TFEC: variants seen among roughly 807,000 people sequenced by gnomAD.
The protein encoded by TFEC is transcription factor EC, also known as class E basic helix-loop-helix protein 34.
A neutral mutation model predicts 41.6 loss-of-function variants in TFEC; 31 were observed. The observed-to-expected ratio is 0.74, with a 90% CI of 0.56 to 1.01. The LOEUF (loss-of-function observed/expected upper bound fraction) is 1.01. Among genes scored for constraint, TFEC ranks in the 50% least tolerant of loss-of-function variants. TFEC has a pLI of 0.00. For missense variants in TFEC, 402 were observed against 404.1 expected, an observed-to-expected ratio of 0.99 and a Z score of 0.04; for synonymous variants, 143 against 140.6, an observed-to-expected ratio of 1.02 and a Z score of -0.12.
chr7:116,146,622 C>A lies in TFEC; in HGVS notation c.-69+13168G>T, dbSNP rs1344753767. Among the ~76,000 whole-genome samples the A allele has an allele frequency of 2.0e-5, 3 of 152,226 alleles. No individual in the cohort carries two copies. In the South Asian group the frequency reaches 6.2e-4, roughly 32 times the overall value. ...GTTTCCTGACAAAAGGAACCCAAACCTTCTATAGACAAACTCATTTTAATA... is the reference window on the plus strand; with the variant it reads ...GTTTCCTGACAAAAGGAACCCAAACATTCTATAGACAAACTCATTTTAATA... On this transcript the variant is annotated intron_variant, in intron 1 of 8. Coordinates refer to the TFEC transcript ENST00000484212.
intron 3 of TFEC, among the ~76,000 whole-genome samples, chr7:115,966,300 G>T (rs991450456): frequency 6.6e-6 from 1 of 151,572 alleles, no homozygotes. Context: ...AAACCCTAGC[G>T]GCAGGGAGGG....
chr7:115,952,936 A>G (rs540296657), intron 5 of TFEC, among the ~76,000 whole-genome samples: 5 of 152,172 alleles, frequency 3.3e-5, no homozygotes, highest in Admixed American at 3.3e-4. Flanking sequence ...TTATCGGCAC[A>G]AGCAATTTCC....
intron 3 of TFEC, among the ~76,000 whole-genome samples, chr7:116,089,002 T>C (rs988554857): frequency 6.6e-6 from 1 of 152,090 alleles, no homozygotes; most frequent in Admixed American, 6.6e-5. Flanking sequence ...CTCCCTCCTA[T>C]TATTAATCTC....
intron 1 of TFEC, among the ~76,000 whole-genome samples, chr7:116,114,562 T>G (rs1797931682): frequency 6.6e-6 from 1 of 151,864 alleles, no homozygotes; most frequent in African/African-American, 2.4e-5. Context: ...CTGGATGCTG[T>G]GGGGGTGAAG....
At chr7:116,149,692 G>A (rs1167510980) in intron 1 of TFEC, among the ~76,000 whole-genome samples, 1 of 152,090 alleles carries the variant, frequency 6.6e-6, no homozygotes, top group Admixed American at 6.6e-5. Context: ...ATTAGCAAAT[G>A]AAAACCAGCA....
chr7:116,030,826 C>T, upstream of TFEC: 2 of 985,398 alleles, frequency 2.0e-6, no homozygotes, highest in Non-Finnish European at 2.4e-6. Flanking sequence ...CTCATTAGGG[C>T]ATTTCCTGAA....
At chr7:116,013,522 T>C (rs551012536) in intron 1 of TFEC, among the ~76,000 whole-genome samples, 14 of 152,204 alleles carry the variant, frequency 9.2e-5, no homozygotes, top group Admixed American at 9.2e-4. Flanking sequence ...AGTCATGAGG[T>C]GAGCATTCCA....
At chr7:115,996,254 T>C (rs1794362834) in intron 1 of TFEC, among the ~76,000 whole-genome samples, 2 of 151,900 alleles carry the variant, frequency 1.3e-5, no homozygotes, top group African/African-American at 4.8e-5. Flanking sequence ...TCAGCCACAA[T>C]AGGATAAGAA....
chr7:116,042,810 T>C (rs1197310927), intron 3 of TFEC, among the ~76,000 whole-genome samples: 1 of 152,110 alleles, frequency 6.6e-6, no homozygotes, highest in East Asian at 1.9e-4. Flanking sequence ...TTTAATTCAA[T>C]GGGGAAATTG....
chr7:116,035,606 AAAG>A (rs59227839), upstream of TFEC, among the ~76,000 whole-genome samples: 6 of 152,256 alleles, frequency 3.9e-5, no homozygotes, highest in East Asian at 1.2e-3. Flanking sequence ...TTAAAAAAGT[AAAG>A]AAGGATTTGA....
intron 3 of TFEC, among the ~76,000 whole-genome samples, chr7:116,050,426 C>A (rs1054195992): frequency 6.6e-6 from 1 of 152,102 alleles, no homozygotes; most frequent in Non-Finnish European, 1.5e-5. Flanking sequence ...CCAGAATCTA[C>A]AAAGAACTTA....
chr7:116,145,443 C>T (rs748134007), intron 1 of TFEC, among the ~76,000 whole-genome samples: 1 of 152,156 alleles, frequency 6.6e-6, no homozygotes, highest in Non-Finnish European at 1.5e-5. Context: ...CAGCACTCAT[C>T]AACTCACAGC....
chr7:115,984,140 G>T, intron 2 of TFEC, 122 bp downstream of exon 2: 1 of 1,217,522 alleles, frequency 8.2e-7, no homozygotes, highest in Non-Finnish European at 1.1e-6. Flanking sequence ...TTAATTAAAA[G>T]CACATTTCTT....
chr7:116,001,497 G>GA (rs199873114), intron 1 of TFEC, among the ~76,000 whole-genome samples: 237 of 127,238 alleles, frequency 1.9e-3, no homozygotes, highest in Middle Eastern at 4.2e-3. Context: ...TCAGTCTCAG[G>GA]AAAAAAAAAA....
At chr7:116,030,428 C>T (rs1795749993) in intron 1 of TFEC, among the ~76,000 whole-genome samples, 1 of 152,092 alleles carries the variant, frequency 6.6e-6, no homozygotes, top group African/African-American at 2.4e-5. Context: ...TGAAATAAGA[C>T]ATTAATAGAG....
intron 1 of TFEC, among the ~76,000 whole-genome samples, chr7:116,005,046 C>A (rs1258788491): frequency 1.3e-5 from 2 of 152,172 alleles, no homozygotes; most frequent in Non-Finnish European, 2.9e-5. Context: ...ATGCCTTTCA[C>A]CTTCCACTAT....
chr7:116,121,534 C>T (rs576903189), intron 1 of TFEC: 2 of 151,958 alleles, frequency 1.3e-5, no homozygotes, highest in Non-Finnish European at 2.9e-5. Flanking sequence ...AAATTGTACA[C>T]TTTAAAATAG....
intron 3 of TFEC, among the ~76,000 whole-genome samples, chr7:116,043,474 C>T (rs1255113024): frequency 6.6e-6 from 1 of 152,046 alleles, no homozygotes; most frequent in Admixed American, 6.5e-5. Context: ...CCAATTGTTG[C>T]TAGAAAATAC....
chr7:116,004,064 G>T (rs536271185), intron 1 of TFEC, among the ~76,000 whole-genome samples: 4 of 151,954 alleles, frequency 2.6e-5, no homozygotes, highest in African/African-American at 7.2e-5. Context: ...TCCAACTTAG[G>T]AAACAAGAAA....
Sources: allele counts gnomAD v4.1 joint callset (sites outside exome capture counted in the v4.1 genomes callset), GRCh38; gene constraint gnomAD v4.1.1; transcripts MANE v1.5; gene names NCBI Gene and HGNC (gene_info 2026-07-23, HGNC 2026-07-21).